CREB5: variants seen among roughly 807,000 people sequenced by gnomAD.
The protein encoded by CREB5 is cAMP responsive element binding protein 5.
Under a neutral mutation model 57.1 loss-of-function variants are expected in CREB5, and 19 were observed. The observed-to-expected ratio is 0.33, with a 90% CI of 0.23 to 0.49. The LOEUF is 0.49. Ranked by LOEUF, CREB5 falls within the 20% of genes least tolerant of loss-of-function variation. The pLI is 0.99. For missense variants in CREB5, 579 were observed against 671.6 expected (o/e 0.86, Z 1.52); for synonymous variants, 238 against 238.3 (o/e 1.00, Z 0.01).
intron 4 of CREB5, among the ~76,000 whole-genome samples, chr7:28,542,736 T>C (rs571882851): frequency 2.6e-5 from 4 of 152,310 alleles, no homozygotes; most frequent in African/African-American, 9.6e-5. Context: ...ATCAAGGGGC[T>C]TTGATAACTT....
At chr7:28,494,143 C>T (rs1318559016) in intron 2 of CREB5, among the ~76,000 whole-genome samples, 4 of 152,162 alleles carry the variant, frequency 2.6e-5, no homozygotes, top group Non-Finnish European at 5.9e-5. Context: ...AAAACATTAA[C>T]TACATTTGAA....
chr7:28,316,870 C>T (rs1341480566), intron 1 of CREB5, among the ~76,000 whole-genome samples: 1 of 151,882 alleles, frequency 6.6e-6, no homozygotes, highest in Non-Finnish European at 1.5e-5. Context: ...CTCCAAGCCT[C>T]CATATCCTAA....
At chr7:28,424,476 T>A (rs1788412973) in intron 1 of CREB5, among the ~76,000 whole-genome samples, 1 of 152,166 alleles carries the variant, frequency 6.6e-6, no homozygotes, top group Admixed American at 6.5e-5. Flanking sequence ...GAGATGGGGA[T>A]CCATATGTTA....
chr7:28,590,293 C>G lies in CREB5; in HGVS notation c.464+19756C>G, dbSNP rs532599405. ...GGAACCAACCCAAATGTCCAACAAT[C>G]ATAGACTGGATTAAGAAAATGTGGC... On this transcript the variant is annotated intron_variant, in intron 5 of 10. Transcript: ENST00000357727. Among the ~76,000 whole-genome samples, 204 of 151,854 alleles carry G rather than the reference C, an allele frequency of 1.3e-3. 1 individual carries two copies. The highest frequency in any genetic ancestry group is 2.2e-3 in the Non-Finnish European group (152 of 67,930).
At chr7:28,336,929 CCTT>C (rs1467652608) in intron 1 of CREB5, among the ~76,000 whole-genome samples, 6 of 151,938 alleles carry the variant, frequency 3.9e-5, no homozygotes, top group Admixed American at 3.9e-4. Context: ...TTTCCAGTCT[CCTT>C]CTTAACTTCT....
chr7:28,750,459 T>A (rs1804917772), intron 7 of CREB5, among the ~76,000 whole-genome samples: 1 of 152,360 alleles, frequency 6.6e-6, no homozygotes, highest in Admixed American at 6.5e-5. Flanking sequence ...CTTAACATTA[T>A]AAATTTCTGA....
chr7:28,522,706 GT>G (rs1793262481), intron 4 of CREB5, among the ~76,000 whole-genome samples: 1 of 152,070 alleles, frequency 6.6e-6, no homozygotes, highest in African/African-American at 2.4e-5. Context: ...GCTATACCTT[GT>G]CTTTTAAAAG....
chr7:28,782,929 T>C lies in CREB5; in HGVS notation c.703-21270T>C, dbSNP rs569098135. On this transcript the variant is annotated intron_variant, in intron 7 of 10. Transcript: ENST00000357727. ...ATTTATCTGTGCATCTGACATTGTG[T>C]TTCATTCTCAAACGTGGTGCTGTGT... is the stretch of plus-strand genomic sequence containing the variant. 5.9e-5 allele frequency among the ~76,000 whole-genome samples: 9 copies of C among 152,282 alleles called. No individual in the cohort carries two copies. In the South Asian group the frequency reaches 1.9e-3, roughly 32 times the overall value.
At chr7:28,631,416 T>C (rs1454851971) in intron 5 of CREB5, among the ~76,000 whole-genome samples, 1 of 152,224 alleles carries the variant, frequency 6.6e-6, no homozygotes, top group Admixed American at 6.5e-5. Flanking sequence ...AGTTTCTTCA[T>C]TTGTAAAAAT....
In CREB5 at chr7:28,560,879, C is replaced by CGTGTGTGCGTGTGTGTGT. The variant is rs1215492156; in HGVS notation, c.292-9483_292-9482insTGTGCGTGTGTGTGTGTG. On this transcript the variant is annotated intron_variant, in intron 4 of 10. Coordinates refer to ENST00000357727, the MANE Select transcript of CREB5 (RefSeq NM_182898.4). ...GTGTGCGTGTGCCTGCGTGCGCGTGCGTGCGTGCGTGTGTGTGCGTGCGCG... is the reference window on the plus strand; with the variant it reads ...GTGTGCGTGTGCCTGCGTGCGCGTGCGTGTGTGCGTGTGTGTGTGTGCGTGCGTGTGTGTGCGTGCGCG... 9.1e-5 allele frequency among the ~76,000 whole-genome samples: 2 copies of CGTGTGTGCGTGTGTGTGT among 22,060 alleles called. 1 individual carries two copies. The allele number at this position is 22,060 out of a possible 152,430, so 14.5% of individuals were successfully genotyped here. A position where few individuals can be genotyped will look rare whatever the true frequency, so the allele number is the denominator to read the frequency against.
intron 6 of CREB5, among the ~76,000 whole-genome samples, chr7:28,720,478 G>A (rs939460515): frequency 3.3e-5 from 5 of 152,180 alleles, no homozygotes; most frequent in South Asian, 2.1e-4. Flanking sequence ...TGGAACCCAC[G>A]TCTCAACTGA....
Position 28,412,771 on chromosome 7 carries a change from G to A in CREB5, c.-144G>A, listed in dbSNP as rs1389793235. 1 of 604,598 alleles carries A rather than the reference G, an allele frequency of 1.7e-6. No individual in the cohort carries two copies. Among genetic ancestry groups the A allele is most frequent in the Non-Finnish European group, 2.6e-6 (1 of 385,334 alleles). The allele number at this position is 604,598 out of a possible 1,614,324, so 37.5% of individuals were successfully genotyped here. On this transcript the variant is annotated 5_prime_UTR_variant, in exon 1 of 11. Transcript: ENST00000357727. The stretch of plus-strand genomic sequence containing the variant: ...CTAAAAGCTAGTTTCACTATCTTCT[G>A]GTCTGAAATACTGAGGCAAATACTC...
rs1562606646 is a variant in CREB5, at chr7:28,737,568, TA to T, written c.702+13237del. Among the ~76,000 whole-genome samples, 372 of 56,978 alleles carry T rather than the reference TA, an allele frequency of 6.5e-3. 7 individuals carry two copies. The highest frequency in any genetic ancestry group is 0.011 in the Non-Finnish European group (258 of 24,444). The allele number at this position is 56,978 out of a possible 152,430, so 37.4% of individuals were successfully genotyped here. On this transcript the variant is annotated intron_variant, in intron 7 of 10. Coordinates refer to ENST00000357727, the MANE Select transcript of CREB5 (RefSeq NM_182898.4). The stretch of plus-strand genomic sequence containing the variant: ...ATATATATATATATATATATATATA[TA>T]TATATATATATATATATATTTTTAA...
In CREB5 at chr7:28,623,956, T is replaced by A. The variant is rs374674700; in HGVS notation, c.464+53419T>A. Reference sequence around the variant, plus strand: ...TCTCTAAGATCAAAACCCAGGGATATGATAAGAACAATGATGATGGTGATG... The same window carrying A: ...TCTCTAAGATCAAAACCCAGGGATAAGATAAGAACAATGATGATGGTGATG... On this transcript the variant is annotated intron_variant, in intron 5 of 10. Transcript: ENST00000357727. Among the ~76,000 whole-genome samples, 9 of 152,268 alleles carry A rather than the reference T, an allele frequency of 5.9e-5. No individual in the cohort carries two copies. In the East Asian group the frequency reaches 1.7e-3, roughly 29 times the overall value.
intron 5 of CREB5, among the ~76,000 whole-genome samples, chr7:28,698,154 C>G (rs1198042285): frequency 1.3e-5 from 2 of 152,028 alleles, no homozygotes; most frequent in Non-Finnish European, 2.9e-5. Flanking sequence ...CAGGTTTGTG[C>G]CAAACCTCAA....
At chr7:28,717,845 T>C (rs1013058785) in intron 5 of CREB5, among the ~76,000 whole-genome samples, 1 of 152,232 alleles carries the variant, frequency 6.6e-6, no homozygotes, top group Non-Finnish European at 1.5e-5. Context: ...TTGACATTTA[T>C]ACAGCTCCCC....
intron 5 of CREB5, among the ~76,000 whole-genome samples, chr7:28,691,300 A>G (rs2128730550): frequency 6.6e-6 from 1 of 151,810 alleles, no homozygotes; most frequent in East Asian, 2.0e-4. Context: ...GGTGCCTGTA[A>G]TCTCAGCTAC....
intron 1 of CREB5, among the ~76,000 whole-genome samples, chr7:28,464,577 G>T (rs1470866898): frequency 4.0e-5 from 6 of 148,868 alleles, no homozygotes; most frequent in Non-Finnish European, 7.4e-5. Context: ...TGTTTATTCA[G>T]ATTTTCTATT....
chr7:28,548,877 C>A (rs1448853475), intron 4 of CREB5, among the ~76,000 whole-genome samples: 1 of 152,144 alleles, frequency 6.6e-6, no homozygotes, highest in Non-Finnish European at 1.5e-5. Flanking sequence ...TTTCTTCTGG[C>A]ATGCCTAGGC....
Sources: gnomAD v4.1 joint callset for allele counts (sites outside exome capture counted in the v4.1 genomes callset) on GRCh38, gnomAD v4.1.1 for gene constraint, MANE v1.5 for transcripts, NCBI Gene and HGNC (gene_info 2026-07-23, HGNC 2026-07-21) for gene names.